The following SLC9A6 variants were observed in gnomAD, a reference collection of about 807,000 sequenced individuals.
The protein encoded by SLC9A6 is solute carrier family 9 member A6, also known as sodium/hydrogen exchanger 6.
Under a neutral mutation model 45.3 loss-of-function variants are expected in SLC9A6, and 6 were observed. The ratio of observed to expected loss-of-function variants is 0.13; its 90% CI spans 0.07 to 0.26. The LOEUF is 0.26. Ranked by LOEUF, SLC9A6 falls within the 10% of genes least tolerant of loss-of-function variation. The pLI, the probability that SLC9A6 is intolerant of heterozygous loss-of-function variation, is 1.00. For missense variants in SLC9A6, 278 were observed against 503.7 expected, an observed-to-expected ratio of 0.55 and a Z score of 4.29; for synonymous variants, 191 against 187.7, an observed-to-expected ratio of 1.02 and a Z score of -0.14.
intron 10 of SLC9A6, among the ~76,000 whole-genome samples, chrX:136,015,707 C>T (rs782566933): frequency 3.7e-4 from 41 of 111,188 alleles, no homozygotes; most frequent in Non-Finnish European, 6.8e-4. Flanking sequence ...AATAAATATA[C>T]GCTTACTTAT....
In SLC9A6 at chrX:136,044,995, C is replaced by G. The variant is rs138115753; in HGVS notation, c.*271C>G. 1.3e-3 allele frequency: 417 copies of G among 313,804 alleles called. No homozygotes were observed. Among genetic ancestry groups the G allele is most frequent in the African/African-American group, 0.01 (387 of 38,113 alleles). The allele number at this position is 313,804 out of a possible 1,213,427, so 25.9% of individuals were successfully genotyped here. A position where few individuals can be genotyped will look rare whatever the true frequency, so the allele number is the denominator to read the frequency against. The stretch of plus-strand genomic sequence containing the variant: ...TGTGTGTTCTGTTAGTTTTATGTCT[C>G]AGTTAAAGTGTAAAAAGTGACGGAT... On this transcript the variant is annotated 3_prime_UTR_variant, in exon 18 of 18. Transcript: ENST00000630721.
chrX:136,042,018 G>C (rs2071520400), intron 17 of SLC9A6, among the ~76,000 whole-genome samples: 1 of 110,258 alleles, frequency 9.1e-6, no homozygotes, highest in South Asian at 3.9e-4. Context: ...CTATTCATAA[G>C]GACACCAGTC....
intron 3 of SLC9A6, among the ~76,000 whole-genome samples, 175 bp from the exon 4 acceptor site, chrX:135,997,933 C>T (rs1178120907): frequency 2.7e-5 from 3 of 111,679 alleles, no homozygotes; most frequent in Non-Finnish European, 3.8e-5. Flanking sequence ...ATCTCCTGGT[C>T]GTTTGGTTGA....
At position 136,024,301 on chromosome X, in the gene SLC9A6, G is replaced by T. The variant is rs782554794; in HGVS notation, c.1307-29G>T. The T allele has an allele frequency of 8.3e-6, 10 of 1,207,696 alleles. No individual in the cohort carries two copies. In the East Asian group the frequency reaches 3.0e-4, roughly 36 times the overall value. On this transcript the variant is annotated intron_variant, in intron 12 of 17. Transcript: ENST00000630721. ...AAGCTTGCATTGGTAATGAGTTATT[G>T]AAGAAATACCTTTTCTGTTCCCCTG...
At chrX:135,997,739 T>G (rs2089526246) in intron 3 of SLC9A6, among the ~76,000 whole-genome samples, 1 of 110,089 alleles carries the variant, frequency 9.1e-6, no homozygotes, top group African/African-American at 3.3e-5. Flanking sequence ...TTTTCTTGGT[T>G]TGTTTAGATG....
At chrX:135,980,666 C>T (rs112911464), upstream of SLC9A6, among the ~76,000 whole-genome samples, 710 of 111,176 alleles carry the variant, frequency 6.4e-3, 9 homozygotes, top group African/African-American at 0.021. Context: ...AAGCAATCCT[C>T]CCACCTCAGC....
In SLC9A6 at chrX:136,046,499, AC is replaced by A; in HGVS notation, c.*1778del. On this transcript the variant is annotated 3_prime_UTR_variant, in exon 18 of 18. Transcript: ENST00000630721. ...AGGAGTTTGAACGTCAGTGTCACTT[AC>A]CCACAAAGTTATTCAAGTTGTAAAA... is the stretch of plus-strand genomic sequence containing the variant. 1 of 112,922 alleles carries A rather than the reference AC, an allele frequency of 8.9e-6. No homozygotes were observed. Among genetic ancestry groups the A allele is most frequent in the Admixed American group, 9.4e-5 (1 of 10,664 alleles). The allele number at this position is 112,922 out of a possible 1,213,427, so 9.3% of individuals were successfully genotyped here.
chrX:136,043,671 T>A (rs1556623012), intron 17 of SLC9A6, among the ~76,000 whole-genome samples: 1 of 112,548 alleles, frequency 8.9e-6, no homozygotes, highest in Non-Finnish European at 1.9e-5. Flanking sequence ...CTCATTATAA[T>A]AAAATTTCAG....
In SLC9A6 at chrX:136,046,535, A is replaced by G. The variant is rs1281783682; in HGVS notation, c.*1811A>G. The G allele has an allele frequency of 3.5e-5, 4 of 113,060 alleles. No homozygotes were observed. Among genetic ancestry groups the G allele is most frequent in the African/African-American group, 1.3e-4 (4 of 31,057 alleles). 9.3% of individuals were successfully genotyped at this position (113,060 alleles called of 1,213,427 possible). On this transcript the variant is annotated 3_prime_UTR_variant, in exon 18 of 18. Coordinates refer to ENST00000630721, the MANE Select transcript of SLC9A6 (RefSeq NM_001379110.1). The stretch of plus-strand genomic sequence containing the variant: ...TATTCAAGTTGTAAAAGGTTATACA[A>G]TAATTTAACAACTACCTTTTTTATT...
intron 7 of SLC9A6, among the ~76,000 whole-genome samples, chrX:136,008,063 A>G (rs782295704): frequency 1.8e-5 from 2 of 111,950 alleles, no homozygotes; most frequent in South Asian, 3.7e-4. Flanking sequence ...ATATAGTGCA[A>G]GGAATAGTCT....
At chrX:136,007,216 A>G (rs2089671420) in intron 7 of SLC9A6, among the ~76,000 whole-genome samples, 1 of 109,953 alleles carries the variant, frequency 9.1e-6, no homozygotes, top group Admixed American at 9.8e-5. Flanking sequence ...GCCAGGGGCA[A>G]TTTGCCACCC....
At chrX:136,008,477 G>A (rs1376220122) in intron 7 of SLC9A6, among the ~76,000 whole-genome samples, 1 of 112,080 alleles carries the variant, frequency 8.9e-6, no homozygotes, top group Admixed American at 9.4e-5. Flanking sequence ...CCCATCTCAG[G>A]TGATCCGCCT....
upstream of SLC9A6, chrX:135,985,409 A>G (rs1453221369): frequency 4.1e-5 from 24 of 588,695 alleles, no homozygotes; most frequent in Non-Finnish European, 5.5e-5. Flanking sequence ...TCCGACGGCT[A>G]CCCCCGGGCC....
intron 16 of SLC9A6, among the ~76,000 whole-genome samples, chrX:136,038,880 T>A (rs1603222871): frequency 9.2e-6 from 1 of 108,401 alleles, no homozygotes; most frequent in East Asian, 2.9e-4. Flanking sequence ...ACCTGGTCAT[T>A]TCTTTACTCA....
In SLC9A6 at chrX:136,046,476, G is replaced by T. The variant is rs1185244047; in HGVS notation, c.*1752G>T. 8.9e-6 allele frequency: 1 copy of T among 112,785 alleles called. No individual in the cohort carries two copies. Among genetic ancestry groups the T allele is most frequent in the Non-Finnish European group, 1.9e-5 (1 of 53,308 alleles). 9.3% of individuals were successfully genotyped at this position (112,785 alleles called of 1,213,427 possible). A position where few individuals can be genotyped will look rare whatever the true frequency, so the allele number is the denominator to read the frequency against. ...AGTTTCTTGTTAATGTATGTTTGAGGAGTTTGAACGTCAGTGTCACTTACC... is the reference window on the plus strand; with the variant it reads ...AGTTTCTTGTTAATGTATGTTTGAGTAGTTTGAACGTCAGTGTCACTTACC... On this transcript the variant is annotated 3_prime_UTR_variant, in exon 18 of 18. Coordinates refer to ENST00000630721, the MANE Select transcript of SLC9A6 (RefSeq NM_001379110.1).
intron 7 of SLC9A6, among the ~76,000 whole-genome samples, chrX:136,007,467 T>C (rs1342973511): frequency 9.0e-6 from 1 of 111,638 alleles, no homozygotes; most frequent in Non-Finnish European, 1.9e-5. Context: ...ATTGTTAACA[T>C]TGAAATTGGT....
chrX:135,981,083 T>C (rs2089283646), upstream of SLC9A6, among the ~76,000 whole-genome samples: 2 of 111,424 alleles, frequency 1.8e-5, no homozygotes, highest in African/African-American at 6.5e-5. Context: ...AGAGGGGCCC[T>C]GTATTAGTCT....
chrX:135,973,964 G>A (rs1390454985), upstream of SLC9A6: 7 of 1,069,177 alleles, frequency 6.5e-6, no homozygotes, highest in Non-Finnish European at 7.4e-6. Flanking sequence ...AGAGGCGAAA[G>A]CGGGAGCTAC....
At chrX:136,040,008 TA>T in intron 16 of SLC9A6, 67 bp from the exon 17 acceptor site, 1 of 864,884 alleles carries the variant, frequency 1.2e-6, no homozygotes, top group Non-Finnish European at 1.7e-6. Context: ...TGATGGTGAT[TA>T]TTATCAAACG....
Sources: allele counts gnomAD v4.1 joint callset (sites outside exome capture counted in the v4.1 genomes callset), GRCh38; gene constraint gnomAD v4.1.1; transcripts MANE v1.5; gene names NCBI Gene and HGNC (gene_info 2026-07-23, HGNC 2026-07-21).